Variants in TM2D1 observed in about 807,000 individuals in gnomAD.
TM2D1 encodes TM2 domain containing 1.
TM2D1 carries 15 observed loss-of-function variants against 28.4 expected under a neutral mutation model. The observed-to-expected ratio is 0.53, with a 90% CI of 0.35 to 0.81. The LOEUF (loss-of-function observed/expected upper bound fraction) is 0.81. Among genes scored for constraint, TM2D1 ranks in the 40% least tolerant of loss-of-function variants. TM2D1 has a pLI of 0.01. For missense variants in TM2D1, 236 were observed against 254.9 expected, an observed-to-expected ratio of 0.93 and a Z score of 0.50; for synonymous variants, 93 against 96.2, an observed-to-expected ratio of 0.97 and a Z score of 0.20.
chr1:61,691,732 A>AT (rs2148038173), intron 5 of TM2D1, among the ~76,000 whole-genome samples: 1 of 149,644 alleles, frequency 6.7e-6, no homozygotes, highest in South Asian at 2.1e-4. Flanking sequence ...CCTGACCAAC[A>AT]TGGAGAAACC....
At chr1:61,721,777 G>T (rs1644566466) in intron 2 of TM2D1, among the ~76,000 whole-genome samples, 1 of 151,608 alleles carries the variant, frequency 6.6e-6, no homozygotes, top group Non-Finnish European at 1.5e-5. Context: ...AGTTAGAATT[G>T]ATTCACCATA....
At chr1:61,720,400 C>T (rs189977503) in intron 2 of TM2D1, among the ~76,000 whole-genome samples, 89 of 152,226 alleles carry the variant, frequency 5.8e-4, no homozygotes, top group Admixed American at 2.1e-3. Context: ...TGCCACTACG[C>T]CTGGCTAATT....
rs1284587991 is a variant in TM2D1, at chr1:61,694,748, T to A, written c.462A>T (p.Val154=). The A allele has an allele frequency of 1.2e-6, 2 of 1,606,662 alleles. No homozygotes were observed. Among genetic ancestry groups the A allele is most frequent in the Non-Finnish European group, 1.7e-6 (2 of 1,176,808 alleles). ...PALGLLKFCT[V]GFCGIGSLID... ...TTAGGCTCCCAATTCCACAAAACCC[T>A]ACAGTGCAAAACTTTAACAAACCTA... The change falls in exon 5 of 7, where the codon GTA becomes GTT. Residue 154 remains valine (V), a synonymous_variant. Transcript: ENST00000606498.
intron 2 of TM2D1, among the ~76,000 whole-genome samples, chr1:61,721,833 G>C (rs535567587): frequency 3.0e-4 from 46 of 151,712 alleles, no homozygotes; most frequent in Non-Finnish European, 6.2e-4. Context: ...CAATTAGCCA[G>C]GCACAGTGGC....
Position 61,716,440 on chromosome 1 carries a change from A to C in TM2D1, c.239-7003T>G, listed in dbSNP as rs553995774. 2.3e-4 allele frequency among the ~76,000 whole-genome samples: 33 copies of C among 144,680 alleles called. 1 individual carries two copies. In the East Asian group the frequency reaches 6.3e-3, roughly 28 times the overall value. 94.9% of individuals were successfully genotyped at this position (144,680 alleles called of 152,430 possible). A position where few individuals can be genotyped will look rare whatever the true frequency, so the allele number is the denominator to read the frequency against. On this transcript the variant is annotated intron_variant, in intron 2 of 6. Coordinates refer to ENST00000606498, the MANE Select transcript of TM2D1 (RefSeq NM_032027.3). ...GTATATAATTATATATAAGTGTATA[A>C]TTATATATAATTTTATATACATATA... is the stretch of plus-strand genomic sequence containing the variant.
At position 61,701,363 on chromosome 1, in the gene TM2D1, G is replaced by A. The variant is rs374288058; in HGVS notation, c.348-338C>T. 2.7e-4 allele frequency among the ~76,000 whole-genome samples: 40 copies of A among 149,128 alleles called. No homozygotes were observed. The South Asian group carries it at 5.1e-3, about 19-fold the overall frequency. ...AGTAGAGCAGGCTGTGTAGAATGCC[G>A]GGAGCCATTTAAATGGAGTGGTAAG... is the stretch of plus-strand genomic sequence containing the variant. On this transcript the variant is annotated intron_variant, in intron 3 of 6. Coordinates refer to ENST00000606498, the MANE Select transcript of TM2D1 (RefSeq NM_032027.3).
chr1:61,683,551 A>G lies in TM2D1; in HGVS notation c.514-5T>C. ...TCCATCTGAAGGTCCAACAATCTAG[A>G]AGAGACAAAATTTCAAAATTATTCA... is the stretch of plus-strand genomic sequence containing the variant. On this transcript the variant is annotated splice_polypyrimidine_tract_variant and splice_region_variant and intron_variant, in intron 5 of 6. Transcript: ENST00000606498. The G allele has an allele frequency of 7.3e-7, 1 of 1,363,958 alleles. No homozygotes were observed. The highest frequency in any genetic ancestry group is 9.9e-7 in the Non-Finnish European group (1 of 1,010,432). The allele number at this position is 1,363,958 out of a possible 1,614,324, so 84.5% of individuals were successfully genotyped here. A position where few individuals can be genotyped will look rare whatever the true frequency, so the allele number is the denominator to read the frequency against.
chr1:61,704,791 A>G (rs1246945651), intron 3 of TM2D1, among the ~76,000 whole-genome samples: 1 of 152,080 alleles, frequency 6.6e-6, no homozygotes. Context: ...CAGGCTGGGC[A>G]CAGTGGCTCT....
intron 3 of TM2D1, among the ~76,000 whole-genome samples, chr1:61,701,766 G>T (rs1313044548): frequency 6.6e-6 from 1 of 152,040 alleles, no homozygotes; most frequent in Non-Finnish European, 1.5e-5. Context: ...AATTTAGAAG[G>T]CAATGCAAAA....
chr1:61,722,922 T>C (rs1429053276), intron 2 of TM2D1, among the ~76,000 whole-genome samples: 2 of 152,072 alleles, frequency 1.3e-5, no homozygotes, highest in Non-Finnish European at 2.9e-5. Flanking sequence ...GTCTCAAAAA[T>C]AAAAATAAAA....
At chr1:61,722,161 C>G (rs1570133490) in intron 2 of TM2D1, among the ~76,000 whole-genome samples, 1 of 151,960 alleles carries the variant, frequency 6.6e-6, no homozygotes, top group Admixed American at 6.6e-5. Flanking sequence ...TGACGCACAC[C>G]TGTAGTCCCA....
At chr1:61,686,258 C>T (rs984818197) in intron 5 of TM2D1, among the ~76,000 whole-genome samples, 5 of 152,086 alleles carry the variant, frequency 3.3e-5, no homozygotes, top group African/African-American at 1.2e-4. Flanking sequence ...GTATCATCAA[C>T]ACACTTTTCT....
chr1:61,702,936 C>T (rs1286639), intron 3 of TM2D1, among the ~76,000 whole-genome samples: 141,690 of 151,064 alleles, frequency 0.94, 66,515 homozygotes, highest in South Asian at 0.97. Context: ...TAAAACCCCA[C>T]TTCTACTAAA....
intron 3 of TM2D1, among the ~76,000 whole-genome samples, chr1:61,703,661 C>T (rs1570111679): frequency 7.0e-6 from 1 of 142,554 alleles, no homozygotes; most frequent in East Asian, 2.1e-4. Flanking sequence ...TATCTGTGGG[C>T]CTTGGCCTCC....
chr1:61,713,456 G>A (rs1396972053), intron 2 of TM2D1, among the ~76,000 whole-genome samples: 1 of 139,976 alleles, frequency 7.1e-6, no homozygotes, highest in Non-Finnish European at 1.5e-5. Flanking sequence ...TCCAGCCTGG[G>A]TAAGAGGACA....
At chr1:61,683,298 TA>T (rs1644260842) in intron 6 of TM2D1, 118 bp downstream of exon 6, 1 of 366,956 alleles carries the variant, frequency 2.7e-6, no homozygotes, top group South Asian at 1.1e-4. Flanking sequence ...GTTTCAGGCA[TA>T]GGGGTACCTG....
chr1:61,696,871 GC>G (rs1644366844), intron 4 of TM2D1, among the ~76,000 whole-genome samples: 1 of 151,908 alleles, frequency 6.6e-6, no homozygotes, highest in Non-Finnish European at 1.5e-5. Context: ...TGATCTTCCT[GC>G]CTTGGCCTCC....
chr1:61,722,355 A>G (rs1010517368), intron 2 of TM2D1, among the ~76,000 whole-genome samples: 6 of 152,112 alleles, frequency 3.9e-5, no homozygotes, highest in African/African-American at 1.4e-4. Flanking sequence ...TTATTTAGAT[A>G]TATTACGCTT....
At chr1:61,718,991 ATAAAT>A (rs924805235) in intron 2 of TM2D1, among the ~76,000 whole-genome samples, 7 of 152,262 alleles carry the variant, frequency 4.6e-5, no homozygotes, top group African/African-American at 1.7e-4. Context: ...ATGTGTATTA[ATAAAT>A]TAAATTTACT....
Sources: gnomAD v4.1 joint callset for allele counts (sites outside exome capture counted in the v4.1 genomes callset) on GRCh38, gnomAD v4.1.1 for gene constraint, MANE v1.5 for transcripts, NCBI Gene and HGNC (gene_info 2026-07-23, HGNC 2026-07-21) for gene names.